Variants in HSH2D observed in about 807,000 individuals in gnomAD.
HSH2D encodes the protein hematopoietic SH2 domain-containing protein.
A neutral mutation model predicts 21.5 loss-of-function variants in HSH2D; 16 were observed. That is an observed-to-expected ratio of 0.74 (90% CI 0.50 to 1.13). The LOEUF (loss-of-function observed/expected upper bound fraction) is 1.13, where lower values mean the gene tolerates loss of function less well. Among genes scored for constraint, HSH2D ranks in the 50% most tolerant of loss-of-function variants. HSH2D has a pLI of 0.00. For missense variants in HSH2D, 418 were observed against 441.4 expected, an observed-to-expected ratio of 0.95 and a Z score of 0.47; for synonymous variants, 172 against 184.7, an observed-to-expected ratio of 0.93 and a Z score of 0.56.
intron 1 of HSH2D, among the ~76,000 whole-genome samples, chr19:16,144,686 C>CTTTTTT (rs35070155): frequency 1.7e-4 from 15 of 85,924 alleles, no homozygotes; most frequent in Admixed American, 4.6e-4. Flanking sequence ...ATTCTAGGCT[C>CTTTTTT]TTTTTTTTTT....
chr19:16,149,638 G>A (rs914595189), intron 2 of HSH2D, among the ~76,000 whole-genome samples: 2 of 150,180 alleles, frequency 1.3e-5, no homozygotes, highest in Middle Eastern at 3.2e-3. Context: ...CCAGGCTGGT[G>A]TGTAGTGGCG....
intron 1 of HSH2D, among the ~76,000 whole-genome samples, chr19:16,145,275 C>T (rs538744281): frequency 3.9e-5 from 6 of 152,014 alleles, no homozygotes; most frequent in African/African-American, 1.4e-4. Flanking sequence ...TGCAGTGGCT[C>T]GATCTCAGCT....
upstream of HSH2D, among the ~76,000 whole-genome samples, chr19:16,142,457 G>A (rs1018268062): frequency 6.6e-6 from 1 of 151,866 alleles, no homozygotes; most frequent in East Asian, 1.9e-4. Context: ...GTTTTGTTTG[G>A]TTTTCGTTGG....
intron 1 of HSH2D, 23 bp downstream of exon 1, chr19:16,143,797 C>A (rs1280073053): frequency 4.6e-6 from 2 of 431,618 alleles, no homozygotes; most frequent in African/African-American, 2.0e-5. Context: ...AGAGCCTCAG[C>A]CCTCGAGGAG....
intron 5 of HSH2D, among the ~76,000 whole-genome samples, chr19:16,156,130 G>T (rs2091233308): frequency 6.6e-6 from 1 of 151,996 alleles, no homozygotes; most frequent in African/African-American, 2.4e-5. Flanking sequence ...GAGAGGAGAG[G>T]ATTGCTTGAG....
Position 16,134,854 on chromosome 19 carries a change from G to C in HSH2D, c.-324+619G>C, listed in dbSNP as rs183619202. On this transcript the variant is annotated intron_variant, in intron 1 of 7. Coordinates refer to the HSH2D transcript ENST00000616645. The stretch of plus-strand genomic sequence containing the variant: ...CTCTCCCCAGGGGCTGGGGTGTGTG[G>C]CTTATGCCTATAATCCCAGTGCCTT... Among the ~76,000 whole-genome samples, 464 of 152,110 alleles carry C rather than the reference G, an allele frequency of 3.1e-3. 3 individuals are homozygous for C. The highest frequency in any genetic ancestry group is 5.2e-3 in the Non-Finnish European group (351 of 68,004).
intron 1 of HSH2D, among the ~76,000 whole-genome samples, chr19:16,135,615 C>G (rs1412705148): frequency 6.6e-6 from 1 of 152,168 alleles, no homozygotes; most frequent in Non-Finnish European, 1.5e-5. Flanking sequence ...TCACTCCACA[C>G]TCATCACTGA....
chr19:16,148,900 C>T (rs1266477689), intron 2 of HSH2D, 25 bp downstream of exon 2: 10 of 1,586,616 alleles, frequency 6.3e-6, no homozygotes, highest in Non-Finnish European at 8.6e-6. Context: ...ACACCCTCCA[C>T]CCTGCCCTCC....
chr19:16,150,718 G>A (rs2091137115), intron 2 of HSH2D, among the ~76,000 whole-genome samples: 1 of 151,430 alleles, frequency 6.6e-6, no homozygotes, highest in Admixed American at 6.6e-5. Context: ...AATTAGCCAG[G>A]CGTGTGGAAC....
chr19:16,139,945 A>G (rs1324764571), upstream of HSH2D: 1 of 152,218 alleles, frequency 6.6e-6, no homozygotes, highest in Non-Finnish European at 1.5e-5. Context: ...CTGTTGCGAC[A>G]TCTGAAAGGA....
rs183379102 is a variant in HSH2D at position 16,152,032 on chromosome 19, A to G, written c.126-520A>G. ...TGAGGCAAGAGAATCACCTGAACCC[A>G]GGAGGTTGAGGCTGCAGTAAGCCAA... On this transcript the variant is annotated intron_variant, in intron 2 of 5. Coordinates refer to ENST00000613986, the MANE Select transcript of HSH2D (RefSeq NM_001382417.1). Among the ~76,000 whole-genome samples, 362 of 146,342 alleles carry G rather than the reference A, an allele frequency of 2.5e-3. 1 individual carries two copies. The highest frequency in any genetic ancestry group is 8.8e-3 in the African/African-American group (350 of 39,714).
rs1481156980 is a variant in HSH2D at position 16,157,629 on chromosome 19, C to T, written c.894C>T (p.Ser298=). ...VPTRKAERSV[S]CIEVTPGDRS... ...CCAGGAAGGCCGAGAGGTCGGTCAGCTGCATTGAGGTGACCCCAGGGGACA... is the reference window on the plus strand; with the variant it reads ...CCAGGAAGGCCGAGAGGTCGGTCAGTTGCATTGAGGTGACCCCAGGGGACA... The change falls in exon 6 of 6, where the codon AGC becomes AGT. Residue 298 remains serine (S), a synonymous_variant. Transcript: ENST00000613986. This position sits in a 1 kb window ranked among gnomAD's most constrained non-coding sequence, Gnocchi z 4.4. 1 of 1,613,802 alleles carries T rather than the reference C, an allele frequency of 6.2e-7. No individual in the cohort carries two copies. Among genetic ancestry groups the T allele is most frequent in the Admixed American group, 1.7e-5 (1 of 59,976 alleles).
At chr19:16,136,372 C>A (rs2090964063) in intron 1 of HSH2D, among the ~76,000 whole-genome samples, 1 of 152,066 alleles carries the variant, frequency 6.6e-6, no homozygotes. Flanking sequence ...TTCTTCTGAG[C>A]CCTTAATGGG....
chr19:16,154,757 T>C, intron 5 of HSH2D: 1 of 314,332 alleles, frequency 3.2e-6, no homozygotes, highest in Non-Finnish European at 6.1e-6. Context: ...TCGGGGTCTC[T>C]GCGTGTGCCG....
chr19:16,145,433 A>C (rs2091054773), intron 1 of HSH2D, among the ~76,000 whole-genome samples: 1 of 151,966 alleles, frequency 6.6e-6, no homozygotes, highest in Non-Finnish European at 1.5e-5. Flanking sequence ...GGCTGGTCTC[A>C]AACTCCCAGC....
Position 16,158,483 on chromosome 19 carries a change from G to C in HSH2D, c.*689G>C, listed in dbSNP as rs563541153. On this transcript the variant is annotated 3_prime_UTR_variant, in exon 6 of 6. Transcript: ENST00000613986. ...CGGGAGGCAGAGGTTGCAGTGAGCC[G>C]AGATCGCATCACTGCAGTCCAGCCT... is the stretch of plus-strand genomic sequence containing the variant. 1 of 151,876 alleles carries C rather than the reference G, an allele frequency of 6.6e-6. No individual in the cohort carries two copies. Among genetic ancestry groups the C allele is most frequent in the Non-Finnish European group, 1.5e-5 (1 of 67,986 alleles). The allele number at this position is 151,876 out of a possible 1,614,324, so 9.4% of individuals were successfully genotyped here.
intron 1 of HSH2D, among the ~76,000 whole-genome samples, chr19:16,138,386 A>G (rs1255899235): frequency 6.6e-6 from 1 of 152,146 alleles, no homozygotes; most frequent in Non-Finnish European, 1.5e-5. Context: ...CACCGTTTGG[A>G]CACCTTAGCT....
intron 4 of HSH2D, 132 bp downstream of exon 4, chr19:16,153,340 AC>A (rs1432211703): frequency 3.5e-6 from 3 of 854,670 alleles, no homozygotes; most frequent in South Asian, 2.0e-5. Flanking sequence ...CTCCGGCCCC[AC>A]CCCAGTAGTC....
intron 2 of HSH2D, chr19:16,151,416 C>T (rs2091148340): frequency 2.6e-6 from 1 of 391,206 alleles, no homozygotes; most frequent in Admixed American, 2.8e-5. Context: ...AGCTGTCATG[C>T]TTATGTTGCA....
Sources: gnomAD v4.1 joint callset for allele counts (sites outside exome capture counted in the v4.1 genomes callset) on GRCh38, gnomAD v4.1.1 for gene constraint, Gnocchi (gnomAD v3.1) non-coding constraint, MANE v1.5 for transcripts, NCBI Gene and HGNC (gene_info 2026-07-23, HGNC 2026-07-21) for gene names.